RHOU: variants seen among roughly 807,000 people sequenced by gnomAD.
The protein encoded by RHOU is rho-related GTP-binding protein RhoU.
Under a neutral mutation model 12.6 loss-of-function variants are expected in RHOU, and 8 were observed. The ratio of observed to expected loss-of-function variants is 0.64; its 90% CI spans 0.37 to 1.15. The LOEUF (loss-of-function observed/expected upper bound fraction) is 1.15, where lower values mean the gene tolerates loss of function less well. Ranked by LOEUF, RHOU falls within the 50% of genes most tolerant of loss-of-function variation. RHOU has a pLI of 0.01. For missense variants in RHOU, 258 were observed against 347.0 expected (o/e 0.74, Z 2.04); for synonymous variants, 161 against 147.4 (o/e 1.09, Z -0.67).
the RHOU span, chr1:228,652,705 T>C: frequency 6.6e-6 from 1 of 152,222 alleles, no homozygotes; most frequent in Non-Finnish European, 1.5e-5. Context: ...GATGAATTCA[T>C]GAAATTGCTA....
the RHOU span, among the ~76,000 whole-genome samples, chr1:228,682,512 A>G: frequency 6.6e-6 from 1 of 152,066 alleles, no homozygotes; most frequent in Non-Finnish European, 1.5e-5. Flanking sequence ...TAGGCGGTGG[A>G]GTTAGGAGCA....
the RHOU span, among the ~76,000 whole-genome samples, chr1:228,714,028 A>G: frequency 2.0e-5 from 3 of 152,174 alleles, no homozygotes; most frequent in Admixed American, 6.5e-5. Context: ...GATGTTAAAT[A>G]TTATAAAAGG....
At chr1:228,708,394 AG>A in the RHOU span, among the ~76,000 whole-genome samples, 8 of 151,778 alleles carry the variant, frequency 5.3e-5, no homozygotes, top group Admixed American at 5.3e-4. Context: ...AAAAATGTTA[AG>A]GGCAGCCAGA....
At chr1:228,694,143 T>C in the RHOU span, among the ~76,000 whole-genome samples, 2 of 152,214 alleles carry the variant, frequency 1.3e-5, no homozygotes, top group Non-Finnish European at 2.9e-5. Flanking sequence ...CTCAGAGCAA[T>C]ATTATTTCTT....
At chr1:228,661,432 C>CAAGGT in the RHOU span, among the ~76,000 whole-genome samples, 2 of 152,182 alleles carry the variant, frequency 1.3e-5, no homozygotes, top group Non-Finnish European at 2.9e-5. Context: ...TCAAACTATA[C>CAAGGT]TACAAGGCTA....
At chr1:228,677,511 T>G in the RHOU span, among the ~76,000 whole-genome samples, 2 of 152,222 alleles carry the variant, frequency 1.3e-5, no homozygotes, top group African/African-American at 4.8e-5. Flanking sequence ...CCCCTTTTTT[T>G]TAGCAGTGAG....
At chr1:228,649,667 A>C in the RHOU span, among the ~76,000 whole-genome samples, 1 of 152,242 alleles carries the variant, frequency 6.6e-6, no homozygotes, top group East Asian at 1.9e-4. Flanking sequence ...TCCCGGGATC[A>C]CATCCTAAAT....
At chr1:228,665,036 C>G in the RHOU span, among the ~76,000 whole-genome samples, 9 of 152,092 alleles carry the variant, frequency 5.9e-5, no homozygotes, top group African/African-American at 9.7e-5. Flanking sequence ...TCATGAAAAC[C>G]CTTCAAGATA....
the RHOU span, among the ~76,000 whole-genome samples, chr1:228,660,888 G>A: frequency 6.8e-6 from 1 of 145,988 alleles, no homozygotes; most frequent in African/African-American, 2.6e-5. Flanking sequence ...AGCTGATATT[G>A]CACCATTGTA....
rs921122863 is a variant in RHOU at position 228,738,540 on chromosome 1, C to A, written c.321+809C>A. Reference sequence around the variant, plus strand: ...CAAAGTTCCGGGGGTACTTTGTAGGCAGGTGAAAGTGCCCCCTTCACTTTC... The same window carrying A: ...CAAAGTTCCGGGGGTACTTTGTAGGAAGGTGAAAGTGCCCCCTTCACTTTC... On this transcript the variant is annotated intron_variant, in intron 2 of 2. Coordinates refer to ENST00000366691, the MANE Select transcript of RHOU (RefSeq NM_021205.6). This position sits in a 1 kb window ranked among gnomAD's most constrained non-coding sequence, Gnocchi z 4.2. Among the ~76,000 whole-genome samples, 1 of 152,144 alleles carries A rather than the reference C, an allele frequency of 6.6e-6. No homozygotes were observed. The highest frequency in any genetic ancestry group is 1.5e-5 in the Non-Finnish European group (1 of 68,026).
At chr1:228,722,298 C>G in the RHOU span, among the ~76,000 whole-genome samples, 2 of 152,148 alleles carry the variant, frequency 1.3e-5, no homozygotes, top group Non-Finnish European at 2.9e-5. Flanking sequence ...AATGTCTGTT[C>G]TTTTCCTTTA....
At chr1:228,665,548 G>C in the RHOU span, among the ~76,000 whole-genome samples, 3 of 152,158 alleles carry the variant, frequency 2.0e-5, 1 homozygote, top group South Asian at 4.1e-4. Flanking sequence ...GTGGAGTGGG[G>C]AACAGTAATA....
chr1:228,738,418 T>C lies in RHOU; in HGVS notation c.321+687T>C, dbSNP rs374622876. Among the ~76,000 whole-genome samples, 6 of 152,298 alleles carry C rather than the reference T, an allele frequency of 3.9e-5. No individual in the cohort carries two copies. The East Asian group carries it at 1.2e-3, about 29-fold the overall frequency. ...CCCCCATTGGTGGGTACTCGAGTCA[T>C]TGAAGTCAGGCTGTGCCTTGTGAAC... is the stretch of plus-strand genomic sequence containing the variant. On this transcript the variant is annotated intron_variant, in intron 2 of 2. Transcript: ENST00000366691. This position sits in a 1 kb window ranked among gnomAD's most constrained non-coding sequence, Gnocchi z 4.2.
the RHOU span, chr1:228,650,301 G>A: frequency 6.5e-6 from 3 of 464,684 alleles, no homozygotes; most frequent in South Asian, 3.0e-5. Flanking sequence ...AGGAGGCAGC[G>A]GCGGGCTGGA....
chr1:228,721,714 G>A, the RHOU span, among the ~76,000 whole-genome samples: 1 of 152,258 alleles, frequency 6.6e-6, no homozygotes, highest in Non-Finnish European at 1.5e-5. Context: ...AAGCTGGAGG[G>A]CAATGGCGGG....
chr1:228,674,906 AT>A, the RHOU span, among the ~76,000 whole-genome samples: 1 of 150,620 alleles, frequency 6.6e-6, no homozygotes, highest in Non-Finnish European at 1.5e-5. Flanking sequence ...AATTTTTTGT[AT>A]TTTAGTAAAG....
At chr1:228,722,846 C>T in the RHOU span, among the ~76,000 whole-genome samples, 1 of 152,178 alleles carries the variant, frequency 6.6e-6, no homozygotes, top group East Asian at 1.9e-4. Flanking sequence ...TGGTCTCGAT[C>T]TCCTGACTTC....
At chr1:228,704,276 C>T in the RHOU span, among the ~76,000 whole-genome samples, 1 of 152,070 alleles carries the variant, frequency 6.6e-6, no homozygotes, top group Non-Finnish European at 1.5e-5. Context: ...AGCTGTAACC[C>T]AACCACCTTG....
chr1:228,659,602 T>C, the RHOU span, among the ~76,000 whole-genome samples: 1 of 151,252 alleles, frequency 6.6e-6, no homozygotes, highest in African/African-American at 2.4e-5. Context: ...TGACAAACTT[T>C]ATAGACTGAC....
Sources: gnomAD v4.1 joint callset for allele counts (sites outside exome capture counted in the v4.1 genomes callset) on GRCh38, gnomAD v4.1.1 for gene constraint, Gnocchi (gnomAD v3.1) non-coding constraint, MANE v1.5 for transcripts, NCBI Gene and HGNC (gene_info 2026-07-23, HGNC 2026-07-21) for gene names.